Variants in SNX29 observed in about 807,000 individuals in gnomAD.
SNX29 encodes sorting nexin 29.
SNX29 carries 78 observed loss-of-function variants against 102.1 expected under a neutral mutation model. That is an observed-to-expected ratio of 0.76 (90% CI 0.64 to 0.92). The LOEUF (loss-of-function observed/expected upper bound fraction) is 0.92. Among genes scored for constraint, SNX29 ranks in the 40% least tolerant of loss-of-function variants. SNX29 has a pLI of 0.00. For missense variants in SNX29, 1,280 were observed against 1,061.7 expected, an observed-to-expected ratio of 1.21 and a Z score of -2.86; for synonymous variants, 580 against 414.5, an observed-to-expected ratio of 1.40 and a Z score of -4.85.
chr16:12,544,543 C>T (rs576129199), intron 20 of SNX29, among the ~76,000 whole-genome samples: 1 of 152,160 alleles, frequency 6.6e-6, no homozygotes, highest in African/African-American at 2.4e-5. Context: ...TAGGAACATT[C>T]TCTGGAATGT....
intron 5 of SNX29, 75 bp from the exon 6 acceptor site, chr16:12,046,309 C>T (rs539972750): frequency 9.4e-6 from 14 of 1,483,320 alleles, no homozygotes; most frequent in African/African-American, 8.3e-5. Context: ...AGGGAGCCGT[C>T]TAATGGAATT....
intron 15 of SNX29, among the ~76,000 whole-genome samples, chr16:12,300,349 TA>T (rs1368810930): frequency 6.6e-6 from 1 of 152,188 alleles, no homozygotes; most frequent in Non-Finnish European, 1.5e-5. Flanking sequence ...CCTGTCCCCA[TA>T]ATGCCTTGGA....
chr16:12,542,654 G>A (rs2077394293), intron 20 of SNX29, among the ~76,000 whole-genome samples: 1 of 152,164 alleles, frequency 6.6e-6, no homozygotes, highest in Non-Finnish European at 1.5e-5. Flanking sequence ...TTAAACTTGT[G>A]TTTGAAGGCA....
At chr16:12,318,562 T>C (rs1221436929) in intron 15 of SNX29, among the ~76,000 whole-genome samples, 1 of 152,138 alleles carries the variant, frequency 6.6e-6, no homozygotes, top group African/African-American at 2.4e-5. Flanking sequence ...AGGACAGTAG[T>C]CAGGGCTGTT....
At chr16:12,127,709 A>G (rs534766685) in intron 12 of SNX29, among the ~76,000 whole-genome samples, 23 of 152,326 alleles carry the variant, frequency 1.5e-4, no homozygotes, top group African/African-American at 5.5e-4. Flanking sequence ...GACGTGAGCC[A>G]CTGTGCCTGG....
At chr16:12,081,650 G>A (rs1442008200) in intron 11 of SNX29, 1 of 136,700 alleles carries the variant, frequency 7.3e-6, no homozygotes, top group Non-Finnish European at 1.5e-5. Context: ...TCCAGCCTGG[G>A]TGCCAGAGCG....
intron 15 of SNX29, among the ~76,000 whole-genome samples, chr16:12,298,594 G>T (rs1222720885): frequency 6.6e-6 from 1 of 152,152 alleles, no homozygotes; most frequent in South Asian, 2.1e-4. Context: ...AAGAATGTCT[G>T]GCCCTTAAAT....
intron 13 of SNX29, among the ~76,000 whole-genome samples, chr16:12,131,047 C>T (rs184620375): frequency 2.1e-4 from 32 of 152,258 alleles, no homozygotes; most frequent in African/African-American, 7.5e-4. Context: ...CAAAGTGCAG[C>T]GCATTTGTAA....
intron 15 of SNX29, among the ~76,000 whole-genome samples, chr16:12,300,521 C>T (rs1457954028): frequency 6.6e-6 from 1 of 152,160 alleles, no homozygotes; most frequent in Non-Finnish European, 1.5e-5. Flanking sequence ...ACAGTTTTTA[C>T]TTAGATCTGT....
At chr16:12,114,268 G>A (rs529680060) in intron 11 of SNX29, among the ~76,000 whole-genome samples, 4 of 152,294 alleles carry the variant, frequency 2.6e-5, no homozygotes, top group South Asian at 4.1e-4. Context: ...GCAAGTAGGC[G>A]TCCCTGGATC....
Position 12,571,583 on chromosome 16 carries a change from G to A in SNX29, c.*2954G>A, listed in dbSNP as rs944003498. ...CCGAATCCTTCTGTCTTCATGGCCT[G>A]CTGTGCTGAAACAGAACAGCAGGTT... On this transcript the variant is annotated 3_prime_UTR_variant, in exon 21 of 21. Transcript: ENST00000566228. 8.6e-6 allele frequency: 9 copies of A among 1,049,946 alleles called. No individual in the cohort carries two copies. In the Admixed American group the frequency reaches 3.2e-4, roughly 38 times the overall value. 65.0% of individuals were successfully genotyped at this position (1,049,946 alleles called of 1,614,324 possible).
At chr16:12,297,792 G>A (rs2080032179) in intron 15 of SNX29, among the ~76,000 whole-genome samples, 1 of 152,100 alleles carries the variant, frequency 6.6e-6, no homozygotes, top group Non-Finnish European at 1.5e-5. Flanking sequence ...TCCACGTCTG[G>A]CTCCACCTGT....
At chr16:12,361,744 G>C (rs1186393157) in intron 16 of SNX29, among the ~76,000 whole-genome samples, 1 of 150,892 alleles carries the variant, frequency 6.6e-6, no homozygotes, top group Non-Finnish European at 1.5e-5. Flanking sequence ...TAATATTTTT[G>C]CTTTTAACAG....
intron 14 of SNX29, among the ~76,000 whole-genome samples, chr16:12,271,776 C>T (rs1455057117): frequency 6.6e-6 from 1 of 152,038 alleles, no homozygotes; most frequent in Non-Finnish European, 1.5e-5. Flanking sequence ...GCATGTGCCA[C>T]CATGCCCGAC....
intron 15 of SNX29, among the ~76,000 whole-genome samples, chr16:12,329,906 T>C (rs1260158394): frequency 1.3e-5 from 2 of 152,208 alleles, no homozygotes; most frequent in African/African-American, 2.4e-5. Flanking sequence ...TTAACAGTTA[T>C]TTATACCCTG....
chr16:12,560,496 G>A (rs1322234883), intron 20 of SNX29, among the ~76,000 whole-genome samples: 1 of 152,012 alleles, frequency 6.6e-6, no homozygotes, highest in Non-Finnish European at 1.5e-5. Context: ...TGCTTTTCTG[G>A]GCACGCCTGT....
At chr16:12,301,672 A>G (rs1388071004) in intron 15 of SNX29, among the ~76,000 whole-genome samples, 1 of 152,236 alleles carries the variant, frequency 6.6e-6, no homozygotes, top group African/African-American at 2.4e-5. Context: ...ACTTCCAGGA[A>G]GGCAGGGATC....
intron 20 of SNX29, chr16:12,527,149 C>T (rs561701799): frequency 3.9e-6 from 2 of 516,012 alleles, no homozygotes; most frequent in Non-Finnish European, 7.6e-6. Context: ...CAGCCCCCTT[C>T]TCCTTCTTCC....
At chr16:11,983,004 C>T (rs1237202794) in intron 1 of SNX29, among the ~76,000 whole-genome samples, 3 of 152,044 alleles carry the variant, frequency 2.0e-5, no homozygotes, top group South Asian at 2.1e-4. Flanking sequence ...TATCTTGGCT[C>T]ACTGCAACCT....
Sources: gnomAD v4.1 joint callset for allele counts (sites outside exome capture counted in the v4.1 genomes callset) on GRCh38, gnomAD v4.1.1 for gene constraint, MANE v1.5 for transcripts, NCBI Gene and HGNC (gene_info 2026-07-23, HGNC 2026-07-21) for gene names.